ARHGEF28: variants seen among roughly 807,000 people sequenced by gnomAD.
ARHGEF28 encodes the protein Rho guanine nucleotide exchange factor 28, also known as 190 kDa guanine nucleotide exchange factor.
In ARHGEF28, 152 loss-of-function variants were observed where a neutral mutation model predicts 206.6. The ratio of observed to expected loss-of-function variants is 0.74; its 90% CI spans 0.64 to 0.84. ARHGEF28 has a LOEUF of 0.84. Among genes scored for constraint, ARHGEF28 ranks in the 40% least tolerant of loss-of-function variants. The probability of loss-of-function intolerance (pLI) is 0.00; values close to 1 mark genes in which losing one functional copy is unlikely to be tolerated. For synonymous variants in ARHGEF28, 763 were observed against 776.4 expected (o/e 0.98, Z 0.29); for missense variants, 2,028 against 2,073.2 (o/e 0.98, Z 0.42).
At chr5:73,766,745 A>G (rs553749191) in intron 4 of ARHGEF28, among the ~76,000 whole-genome samples, 1 of 152,382 alleles carries the variant, frequency 6.6e-6, no homozygotes, top group African/African-American at 2.4e-5. Flanking sequence ...AATCACTGCT[A>G]GAGGCAATGT....
intron 4 of ARHGEF28, among the ~76,000 whole-genome samples, chr5:73,761,888 G>T (rs190649650): frequency 1.3e-5 from 2 of 151,984 alleles, no homozygotes; most frequent in Non-Finnish European, 1.5e-5. Context: ...TTAAGATGGG[G>T]TGTCGCTGTA....
rs374750472 is a variant in ARHGEF28 at position 73,749,525 on chromosome 5, C to T, written c.34-312C>T. 3.2e-4 allele frequency among the ~76,000 whole-genome samples: 49 copies of T among 152,230 alleles called. No homozygotes were observed. In the East Asian group the frequency reaches 4.6e-3, roughly 14 times the overall value. ...CTAAAAATAATTTTTGAAAAGCAAA[C>T]GGCAACGAAGTACCACACTCCTACA... On this transcript the variant is annotated intron_variant, in intron 2 of 35. Transcript: ENST00000513042.
At chr5:73,757,146 A>G (rs1752356980) in intron 4 of ARHGEF28, among the ~76,000 whole-genome samples, 1 of 152,116 alleles carries the variant, frequency 6.6e-6, no homozygotes, top group Non-Finnish European at 1.5e-5. Flanking sequence ...GGTCTTTTTT[A>G]GTATACATAT....
intron 4 of ARHGEF28, among the ~76,000 whole-genome samples, chr5:73,758,937 G>C (rs993825022): frequency 6.6e-6 from 1 of 152,176 alleles, no homozygotes; most frequent in Non-Finnish European, 1.5e-5. Context: ...AAAGAGTTAA[G>C]CTTTTCTCCT....
At chr5:73,922,201 C>T (rs967036730) in intron 35 of ARHGEF28, among the ~76,000 whole-genome samples, 4 of 152,174 alleles carry the variant, frequency 2.6e-5, no homozygotes, top group Admixed American at 1.3e-4. Context: ...TCGCCTCATT[C>T]GGTTTAGTCA....
chr5:73,697,993 G>T (rs1748328569), intron 2 of ARHGEF28, among the ~76,000 whole-genome samples: 1 of 152,108 alleles, frequency 6.6e-6, no homozygotes, highest in African/African-American at 2.4e-5. Context: ...GTTTTGTGAG[G>T]CCTGAAGATT....
chr5:73,909,271 G>T, intron 33 of ARHGEF28, 141 bp from the exon 34 acceptor site: 2 of 1,277,544 alleles, frequency 1.6e-6, no homozygotes, highest in Non-Finnish European at 2.1e-6. Context: ...GCCTTTGGAG[G>T]TAACTTAGAA....
At chr5:73,703,109 G>T (rs1321269544) in intron 2 of ARHGEF28, among the ~76,000 whole-genome samples, 1 of 152,182 alleles carries the variant, frequency 6.6e-6, no homozygotes, top group Non-Finnish European at 1.5e-5. Context: ...GAGAATGGAG[G>T]TTATCTCTAT....
chr5:73,687,658 T>A (rs1431370752), intron 2 of ARHGEF28, among the ~76,000 whole-genome samples: 1 of 151,996 alleles, frequency 6.6e-6, no homozygotes, highest in Non-Finnish European at 1.5e-5. Context: ...CTTCAGAGGT[T>A]TGGTAAATAT....
intron 18 of ARHGEF28, 51 bp downstream of exon 18, chr5:73,866,064 T>C (rs1759686363): frequency 2.2e-6 from 3 of 1,360,822 alleles, no homozygotes; most frequent in Non-Finnish European, 2.0e-6. Context: ...ATACATACTA[T>C]ACATTTTTCC....
chr5:73,901,063 T>C (rs1231876317), intron 30 of ARHGEF28, 121 bp from the exon 31 acceptor site: 2 of 712,726 alleles, frequency 2.8e-6, no homozygotes, highest in Non-Finnish European at 4.8e-6. Flanking sequence ...ATACTCAATA[T>C]GTATTATTTT....
At chr5:73,846,002 A>G (rs901101458) in intron 11 of ARHGEF28, among the ~76,000 whole-genome samples, 10 of 151,090 alleles carry the variant, frequency 6.6e-5, no homozygotes, top group Non-Finnish European at 1.5e-4. Flanking sequence ...AAAAAAAAAA[A>G]AAAAAAAAGA....
At chr5:73,766,008 C>T (rs1265548671) in intron 4 of ARHGEF28, among the ~76,000 whole-genome samples, 2 of 151,972 alleles carry the variant, frequency 1.3e-5, no homozygotes, top group Admixed American at 6.6e-5. Flanking sequence ...AAAAATTAGC[C>T]AGGCGCAGTG....
chr5:73,729,668 G>A (rs1750488532), intron 2 of ARHGEF28, among the ~76,000 whole-genome samples: 1 of 152,104 alleles, frequency 6.6e-6, no homozygotes, highest in South Asian at 2.1e-4. Flanking sequence ...TCACATTTCA[G>A]GCGGGCAGCT....
chr5:73,818,860 C>T (rs1238167996), intron 9 of ARHGEF28, among the ~76,000 whole-genome samples: 1 of 152,176 alleles, frequency 6.6e-6, no homozygotes, highest in African/African-American at 2.4e-5. Flanking sequence ...TTATAATTTA[C>T]TATATTCTTG....
At chr5:73,938,639 T>C (rs774209668) in intron 35 of ARHGEF28, among the ~76,000 whole-genome samples, 2 of 152,158 alleles carry the variant, frequency 1.3e-5, no homozygotes, top group Non-Finnish European at 2.9e-5. Flanking sequence ...TTTTTGAAGT[T>C]GTATAAAATT....
At chr5:73,840,279 T>C (rs1017172621) in intron 10 of ARHGEF28, among the ~76,000 whole-genome samples, 5 of 152,100 alleles carry the variant, frequency 3.3e-5, no homozygotes, top group Admixed American at 6.6e-5. Context: ...ACACCCTGGC[T>C]AATTTTTGTA....
At chr5:73,689,999 G>T (rs1202862682) in intron 2 of ARHGEF28, among the ~76,000 whole-genome samples, 2 of 152,124 alleles carry the variant, frequency 1.3e-5, no homozygotes, top group African/African-American at 4.8e-5. Flanking sequence ...AACACCACTT[G>T]GGAGCTTAAA....
intron 1 of ARHGEF28, among the ~76,000 whole-genome samples, chr5:73,661,043 A>G (rs1745568181): frequency 1.3e-5 from 2 of 152,312 alleles, no homozygotes; most frequent in Middle Eastern, 3.4e-3. Context: ...CTCCTTACCT[A>G]TGAAAGTCCT....
Sources: gnomAD v4.1 joint callset for allele counts (sites outside exome capture counted in the v4.1 genomes callset) on GRCh38, gnomAD v4.1.1 for gene constraint, MANE v1.5 for transcripts, NCBI Gene and HGNC (gene_info 2026-07-23, HGNC 2026-07-21) for gene names.